Variants in COL5A1 observed in about 807,000 individuals in gnomAD.
COL5A1 encodes the protein collagen type V alpha 1 chain, also known as collagen alpha-1(V) chain.
COL5A1 carries 16 observed loss-of-function variants against 263.7 expected under a neutral mutation model. That is an observed-to-expected ratio of 0.06 (90% CI 0.04 to 0.09). The LOEUF is 0.09. Among genes scored for constraint, COL5A1 ranks in the 10% least tolerant of loss-of-function variants. The pLI, the probability that COL5A1 is intolerant of heterozygous loss-of-function variation, is 1.00. For missense variants in COL5A1, 2,036 were observed against 2,540.5 expected (o/e 0.80, Z 4.27); for synonymous variants, 1,012 against 1,004.5 (o/e 1.01, Z -0.14).
rs41310209 is a variant in COL5A1, at chr9:134,728,571, G to A, written c.787-99G>A. On this transcript the variant is annotated intron_variant, in intron 5 of 65. Transcript: ENST00000371817. ...GTTCACGCCTGGGGCTGGACGGGGCGTCGTGGCGTGCAGATCTGGAGGTTG... is the reference window on the plus strand; with the variant it reads ...GTTCACGCCTGGGGCTGGACGGGGCATCGTGGCGTGCAGATCTGGAGGTTG... 55,811 of 1,556,674 alleles carry A rather than the reference G, an allele frequency of 0.036. 1,076 individuals carry two copies. Among genetic ancestry groups the A allele is most frequent in the Non-Finnish European group, 0.04 (45,071 of 1,134,406 alleles).
chr9:134,690,443 A>G (rs1457556156), intron 1 of COL5A1, among the ~76,000 whole-genome samples: 1 of 152,144 alleles, frequency 6.6e-6, no homozygotes, highest in Non-Finnish European at 1.5e-5. Flanking sequence ...AGCACACCAT[A>G]AGGCGGTCAG....
chr9:134,672,583 C>T (rs1314526228), intron 1 of COL5A1, among the ~76,000 whole-genome samples: 2 of 152,174 alleles, frequency 1.3e-5, no homozygotes, highest in African/African-American at 4.8e-5. Context: ...AATCCACATA[C>T]TAAATGCTTT....
Position 134,830,034 on chromosome 9 carries a change from G to A in COL5A1, c.5126G>A (p.Arg1709His), listed in dbSNP as rs193275092. The change falls in exon 64 of 66, where the codon CGT (arginine) becomes CAT (histidine). Residue 1709 changes from arginine (R) to histidine (H), a missense_variant. This residue lies in a region of COL5A1 where 358 missense variants were observed against 384.6 expected (regional missense o/e 0.93). Transcript: ENST00000371817. ...GGCTCCTGGTTCAGTGAATTCAAGC[G>A]TGGGAAACTGGTAAGGTGGCCTCTG... is the stretch of plus-strand genomic sequence containing the variant. ...NPGSWFSEFK[R>H]GKLLSYVDAE... 22 of 1,614,040 alleles carry A rather than the reference G, an allele frequency of 1.4e-5. No individual in the cohort carries two copies. The highest frequency in any genetic ancestry group is 5.5e-5 in the South Asian group (5 of 91,040).
intron 57 of COL5A1, among the ~76,000 whole-genome samples, 153 bp from the exon 58 acceptor site, chr9:134,819,963 C>A (rs913895489): frequency 6.6e-6 from 1 of 152,220 alleles, no homozygotes; most frequent in Admixed American, 6.5e-5. Context: ...CGTCACCTGG[C>A]CCCTCTGTTG....
intron 64 of COL5A1, chr9:134,830,249 G>T: frequency 2.1e-6 from 3 of 1,443,868 alleles, no homozygotes; most frequent in Non-Finnish European, 2.9e-6. Flanking sequence ...GCTCTGCATG[G>T]CACCCATCGC....
chr9:134,828,738 TACCACAC>T (rs1041554084), intron 63 of COL5A1, among the ~76,000 whole-genome samples: 3 of 10,316 alleles, frequency 2.9e-4, no homozygotes, highest in Non-Finnish European at 6.0e-4. Context: ...GACACACAGA[TACCACAC>T]ACCACGCACA....
intron 65 of COL5A1, among the ~76,000 whole-genome samples, chr9:134,839,706 G>A (rs1333532127): frequency 6.6e-6 from 1 of 152,230 alleles, no homozygotes; most frequent in Non-Finnish European, 1.5e-5. Flanking sequence ...AGGCAGGCAG[G>A]GTGGTCTCTG....
At position 134,778,965 on chromosome 9, in the gene COL5A1, T is replaced by G. The variant is rs183102112; in HGVS notation, c.2386-1137T>G. Among the ~76,000 whole-genome samples the G allele has an allele frequency of 7.8e-4, 119 of 152,368 alleles. 1 individual carries two copies. The highest frequency in any genetic ancestry group is 6.8e-3 in the Middle Eastern group (2 of 294). On this transcript the variant is annotated intron_variant, in intron 27 of 65. Transcript: ENST00000371817. ...GGCACGCAGCCCAAGGCCAGCCACC[T>G]CTGCAGAAAGGAGCTCCTCCGTGTC...
At chr9:134,829,645 C>T (rs112190222) in intron 63 of COL5A1, among the ~76,000 whole-genome samples, 15,007 of 146,532 alleles carry the variant, frequency 0.1, 712 homozygotes, top group South Asian at 0.25. Flanking sequence ...CCCCGAGGGC[C>T]CCGGCCAGGC....
rs547240179 is a variant in COL5A1 at position 134,797,053 on chromosome 9, G to A, written c.2898+152G>A. The A allele has an allele frequency of 1.9e-3, 1,679 of 867,280 alleles. 8 individuals carry two copies. The highest frequency in any genetic ancestry group is 1.9e-3 in the Non-Finnish European group (1,014 of 528,978). The allele number at this position is 867,280 out of a possible 1,614,324, so 53.7% of individuals were successfully genotyped here. A position where few individuals can be genotyped will look rare whatever the true frequency, so the allele number is the denominator to read the frequency against. Reference sequence around the variant, plus strand: ...GGAGGCCCGAGGTGAAATTCTGGCTGGTCAGATGAGGGGGAGACCCCCCCA... The same window carrying A: ...GGAGGCCCGAGGTGAAATTCTGGCTAGTCAGATGAGGGGGAGACCCCCCCA... On this transcript the variant is annotated intron_variant, in intron 36 of 65. Coordinates refer to ENST00000371817, the MANE Select transcript of COL5A1 (RefSeq NM_000093.5).
At chr9:134,791,594 G>A (rs1186806904) in intron 32 of COL5A1, among the ~76,000 whole-genome samples, 2 of 151,780 alleles carry the variant, frequency 1.3e-5, no homozygotes, top group African/African-American at 4.8e-5. Flanking sequence ...TGAGGGCTGG[G>A]CTGTCCTTGC....
Position 134,700,252 on chromosome 9 carries a change from A to C in COL5A1, c.491+130A>C, listed in dbSNP as rs1249355989. On this transcript the variant is annotated intron_variant, in intron 3 of 65. Coordinates refer to ENST00000371817, the MANE Select transcript of COL5A1 (RefSeq NM_000093.5). This position sits in a 1 kb window ranked among gnomAD's most constrained non-coding sequence, Gnocchi z 4.0. ...GTACTGAGACTCCCACAGACGCCGC[A>C]GCAGAGGAGAGGGTGCTGGGCTTGG... is the stretch of plus-strand genomic sequence containing the variant. The C allele has an allele frequency of 1.2e-6, 1 of 840,446 alleles. No homozygotes were observed. Among genetic ancestry groups the C allele is most frequent in the African/African-American group, 1.7e-5 (1 of 59,280 alleles). The allele number at this position is 840,446 out of a possible 1,614,324, so 52.1% of individuals were successfully genotyped here. A position where few individuals can be genotyped will look rare whatever the true frequency, so the allele number is the denominator to read the frequency against.
At chr9:134,782,015 T>G (rs6537949) in intron 28 of COL5A1, among the ~76,000 whole-genome samples, 28,103 of 152,228 alleles carry the variant, frequency 0.18, 3,255 homozygotes, top group African/African-American at 0.33. Context: ...TGCCCTCTGC[T>G]GAAGGATCTG....
chr9:134,743,391 AG>A (rs1464550258), intron 11 of COL5A1, among the ~76,000 whole-genome samples: 1 of 152,176 alleles, frequency 6.6e-6, no homozygotes, highest in Non-Finnish European at 1.5e-5. Flanking sequence ...ATTGCTCTTA[AG>A]AGAGACTTCA....
chr9:134,657,998 C>T (rs963296946), intron 1 of COL5A1, among the ~76,000 whole-genome samples: 5 of 151,936 alleles, frequency 3.3e-5, no homozygotes, highest in African/African-American at 4.8e-5. Context: ...GGGCCGGGCA[C>T]GGAGATGCTG....
chr9:134,754,187 G>C lies in COL5A1; in HGVS notation c.1774-86G>C, dbSNP rs1360550683. 3 of 1,437,736 alleles carry C rather than the reference G, an allele frequency of 2.1e-6. No individual in the cohort carries two copies. The highest frequency in any genetic ancestry group is 1.4e-5 in the African/African-American group (1 of 71,518). The allele number at this position is 1,437,736 out of a possible 1,614,324, so 89.1% of individuals were successfully genotyped here. The stretch of plus-strand genomic sequence containing the variant: ...GGCTTGGACAGCCAGGCATGGGCAG[G>C]GTCGATGAGCACAGGGACAAGGCTT... On this transcript the variant is annotated intron_variant, in intron 15 of 65. Coordinates refer to ENST00000371817, the MANE Select transcript of COL5A1 (RefSeq NM_000093.5). The surrounding 1 kb of genome is among the most constrained non-coding windows in gnomAD (Gnocchi z 4.3).
intron 11 of COL5A1, 96 bp from the exon 12 acceptor site, chr9:134,750,446 C>T: frequency 1.8e-6 from 2 of 1,118,126 alleles, no homozygotes. Context: ...AGTGCATTTC[C>T]CGGGTGGGCC....
chr9:134,812,483 C>T lies in COL5A1; in HGVS notation c.3725C>T (p.Thr1242Ile), dbSNP rs769091549. The T allele has an allele frequency of 5.6e-6, 9 of 1,614,016 alleles. No homozygotes were observed. The highest frequency in any genetic ancestry group is 1.3e-5 in the African/African-American group (1 of 74,924). Reference sequence around the variant, plus strand: ...GGACCTCCAGGCGAGAAGGGTGAGACAGGAGACGTGGGCCAGATGGTAAGT... The same window carrying T: ...GGACCTCCAGGCGAGAAGGGTGAGATAGGAGACGTGGGCCAGATGGTAAGT... The part of the protein sequence containing the change: ...LPGPPGEKGE[T>I]GDVGQMGPPG... The change falls in exon 47 of 66, where the codon ACA becomes ATA. Residue 1242 changes from threonine (T) to isoleucine (I), a missense_variant. Thr to Ile is a moderately conservative substitution (Grantham distance 89). Transcript: ENST00000371817.
intron 1 of COL5A1, among the ~76,000 whole-genome samples, chr9:134,670,382 T>G (rs1832501962): frequency 6.6e-6 from 1 of 152,248 alleles, no homozygotes; most frequent in South Asian, 2.1e-4. Context: ...AGTTGTCACC[T>G]GAGCAACTGT....
Sources: gnomAD v4.1 joint callset for allele counts (sites outside exome capture counted in the v4.1 genomes callset) on GRCh38, gnomAD v4.1.1 for gene constraint, gnomAD v4.1.1 regional missense constraint, Gnocchi (gnomAD v3.1) non-coding constraint, MANE v1.5 for transcripts, NCBI Gene and HGNC (gene_info 2026-07-23, HGNC 2026-07-21) for gene names.